PABPC4: variants seen among roughly 807,000 people sequenced by gnomAD.
PABPC4 encodes the protein poly(A) binding protein cytoplasmic 4.
A neutral mutation model predicts 74.5 loss-of-function variants in PABPC4; 15 were observed. That is an observed-to-expected ratio of 0.20 (90% confidence interval 0.13 to 0.31). The LOEUF is 0.31. Among genes scored for constraint, PABPC4 ranks in the 10% least tolerant of loss-of-function variants. The pLI is 1.00. For synonymous variants in PABPC4, 345 were observed against 303.0 expected, an observed-to-expected ratio of 1.14 and a Z score of -1.44; for missense variants, 610 against 853.5, an observed-to-expected ratio of 0.71 and a Z score of 3.55.
In PABPC4 at chr1:39,569,864, A is replaced by G; in HGVS notation, c.642T>C (p.Phe214=). The stretch of plus-strand genomic sequence containing the variant: ...AGGAGACAAGGAACCCCAACTTACC[A>G]AACTGACTGAATAGCTCTTTCAGAC... ...DESLKELFSQ[F]GKTLSVKVMR... Residue 214 remains phenylalanine (F), a splice_region_variant and synonymous_variant, in exon 4 of 16, where the codon TTT becomes TTC. Coordinates refer to ENST00000372858, the MANE Select transcript of PABPC4 (RefSeq NM_001135653.2). The G allele has an allele frequency of 6.2e-7, 1 of 1,613,926 alleles. No individual in the cohort carries two copies. Among genetic ancestry groups the G allele is most frequent in the African/African-American group, 1.3e-5 (1 of 75,026 alleles).
intron 1 of PABPC4, among the ~76,000 whole-genome samples, chr1:39,574,997 T>C (rs1645996583): frequency 6.6e-6 from 1 of 152,180 alleles, no homozygotes. Context: ...TTCTTCAGAT[T>C]AGATGAAATA....
intron 1 of PABPC4, among the ~76,000 whole-genome samples, chr1:39,575,492 T>C (rs1199877753): frequency 6.6e-6 from 1 of 152,314 alleles, no homozygotes; most frequent in East Asian, 1.9e-4. Context: ...ACTCTAATCC[T>C]GTTTTACAGT....
chr1:39,572,579 C>T lies in PABPC4; in HGVS notation c.201G>A (p.Arg67=), dbSNP rs1645955939. The T allele has an allele frequency of 3.1e-6, 5 of 1,613,160 alleles. No individual in the cohort carries two copies. The highest frequency in any genetic ancestry group is 4.2e-6 in the Non-Finnish European group (5 of 1,179,404). Reference sequence around the variant, plus strand: ...CATCAAAGTTCATGGTGTCCAAAGCCCGCTCAGCTGTAAGAGAGAAACACA... The same window carrying T: ...CATCAAAGTTCATGGTGTCCAAAGCTCGCTCAGCTGTAAGAGAGAAACACA... ...VNFQQPADAE[R]ALDTMNFDVI... Residue 67 remains arginine, a synonymous_variant, in exon 2 of 16, where the codon CGG becomes CGA. Transcript: ENST00000372858.
intron 14 of PABPC4, 56 bp downstream of exon 14, chr1:39,562,017 G>GC (rs1645775508): frequency 6.3e-7 from 1 of 1,586,318 alleles, no homozygotes; most frequent in Non-Finnish European, 8.6e-7. Context: ...ATCCAAGTTT[G>GC]CCCCCAGTCT....
chr1:39,561,580 C>T, intron 15 of PABPC4, 105 bp downstream of exon 15: 1 of 747,048 alleles, frequency 1.3e-6, no homozygotes. Context: ...TATTGTATTC[C>T]CAGAGCTAAG....
At chr1:39,561,555 G>A (rs982636857) in intron 15 of PABPC4, 130 bp downstream of exon 15, 3 of 660,730 alleles carry the variant, frequency 4.5e-6, no homozygotes, top group Middle Eastern at 4.2e-4. Flanking sequence ...CACACTCCGT[G>A]TAACTAACTG....
At chr1:39,572,799 C>T (rs1645961172) in intron 1 of PABPC4, 2 of 484,164 alleles carry the variant, frequency 4.1e-6, no homozygotes, top group Non-Finnish European at 7.3e-6. Flanking sequence ...TGACAGAAGT[C>T]TAAACACCCT....
rs1019211546 is a variant in PABPC4, at chr1:39,564,993, G to A, written c.1245+113C>T. ...TAAGTCCTTCATTTTTACTTGAAGGGTCCTTATTGTGACATTCTAGAACTC... is the reference window on the plus strand; with the variant it reads ...TAAGTCCTTCATTTTTACTTGAAGGATCCTTATTGTGACATTCTAGAACTC... On this transcript the variant is annotated intron_variant, in intron 8 of 15. Transcript: ENST00000372858. 8.5e-6 allele frequency: 10 copies of A among 1,169,642 alleles called. No homozygotes were observed. In the East Asian group the frequency reaches 1.2e-4, roughly 14 times the overall value. The allele number at this position is 1,169,642 out of a possible 1,614,324, so 72.5% of individuals were successfully genotyped here. A position where few individuals can be genotyped will look rare whatever the true frequency, so the allele number is the denominator to read the frequency against.
In PABPC4 at chr1:39,564,989, A is replaced by T. The variant is rs559071080; in HGVS notation, c.1245+117T>A. On this transcript the variant is annotated intron_variant, in intron 8 of 15. Transcript: ENST00000372858. ...TGGGTAAGTCCTTCATTTTTACTTG[A>T]AGGGTCCTTATTGTGACATTCTAGA... The T allele has an allele frequency of 1.1e-5, 13 of 1,148,748 alleles. No homozygotes were observed. In the South Asian group the frequency reaches 1.6e-4, roughly 14 times the overall value. 71.2% of individuals were successfully genotyped at this position (1,148,748 alleles called of 1,614,324 possible). A position where few individuals can be genotyped will look rare whatever the true frequency, so the allele number is the denominator to read the frequency against.
chr1:39,564,636 A>G, intron 9 of PABPC4, 50 bp downstream of exon 9: 1 of 1,606,870 alleles, frequency 6.2e-7, no homozygotes, highest in Non-Finnish European at 8.5e-7. Flanking sequence ...GGCAGGGGAG[A>G]CCAGGACAGG....
Position 39,576,314 on chromosome 1 carries a change from T to G in PABPC4, c.-363A>C. ...AATCCTTTAAGAGGCGACCGGACGC[T>G]GCCCACGGCGGCCTCGGGGACACGC... On this transcript the variant is annotated 5_prime_UTR_variant, in exon 1 of 16. Transcript: ENST00000372858. 7.4e-5 allele frequency: 13 copies of G among 175,864 alleles called. No individual in the cohort carries two copies. Among genetic ancestry groups the G allele is most frequent in the Non-Finnish European group, 1.4e-4 (12 of 83,904 alleles). The allele number at this position is 175,864 out of a possible 1,614,324, so 10.9% of individuals were successfully genotyped here. A position where few individuals can be genotyped will look rare whatever the true frequency, so the allele number is the denominator to read the frequency against.
Position 39,576,556 on chromosome 1 carries a change from GGACCGACGGACGGA to G in PABPC4, c.-619_-606del, listed in dbSNP as rs959835153. 7.3e-5 allele frequency: 11 copies of G among 149,788 alleles called. No individual in the cohort carries two copies. Among genetic ancestry groups the G allele is most frequent in the African/African-American group, 1.2e-4 (5 of 41,060 alleles). 9.3% of individuals were successfully genotyped at this position (149,788 alleles called of 1,614,324 possible). Reference sequence around the variant, plus strand: ...CGGGCCGGGCGGGCGGCTCACCCCCGGACCGACGGACGGAGACCGACGGACGCCAAGCGCTGCGG... The same window carrying G: ...CGGGCCGGGCGGGCGGCTCACCCCCGGACCGACGGACGCCAAGCGCTGCGG... On this transcript the variant is annotated 5_prime_UTR_variant, in exon 1 of 16. Transcript: ENST00000372858.
intron 3 of PABPC4, among the ~76,000 whole-genome samples, chr1:39,570,822 G>A (rs984014555): frequency 6.6e-6 from 1 of 152,170 alleles, no homozygotes; most frequent in Non-Finnish European, 1.5e-5. Context: ...CACTAGCGAG[G>A]GACCCATGGA....
chr1:39,564,041 T>C lies in PABPC4; in HGVS notation c.1454-119A>G, dbSNP rs188446781. 3.0e-5 allele frequency: 25 copies of C among 827,592 alleles called. No homozygotes were observed. In the East Asian group the frequency reaches 6.2e-4, roughly 21 times the overall value. The allele number at this position is 827,592 out of a possible 1,614,324, so 51.3% of individuals were successfully genotyped here. On this transcript the variant is annotated intron_variant, in intron 10 of 15. Transcript: ENST00000372858. ...AACACATTGCACAGGGGGCCACTAC[T>C]ACTTTCGAGGATGAGCCAAAGGATA...
intron 1 of PABPC4, among the ~76,000 whole-genome samples, chr1:39,573,499 G>A (rs760542831): frequency 1.3e-5 from 2 of 152,118 alleles, no homozygotes; most frequent in Non-Finnish European, 2.9e-5. Context: ...AACCAAGTCC[G>A]TGTGTACACC....
At chr1:39,566,591 C>T (rs1316251926) in intron 7 of PABPC4, among the ~76,000 whole-genome samples, 1 of 152,084 alleles carries the variant, frequency 6.6e-6, no homozygotes, top group Non-Finnish European at 1.5e-5. Context: ...AGTTAATGGC[C>T]CAGAGAGCCT....
rs1646018111 is a variant in PABPC4, at chr1:39,575,841, C to G, written c.111G>C (p.Val37=). 1 of 1,612,336 alleles carries G rather than the reference C, an allele frequency of 6.2e-7. No homozygotes were observed. Residue 37 remains valine, a synonymous_variant, in exon 1 of 16, where the codon GTG becomes GTC. Coordinates refer to ENST00000372858, the MANE Select transcript of PABPC4 (RefSeq NM_001135653.2). ...TATCGCGGCAGACCCGGATGGACAG[C>G]ACAGGCCCCGCGGGGCTGAACTTTT... ...LYEKFSPAGP[V]LSIRVCRDMI... is the part of the protein sequence containing the mutation.
At chr1:39,574,818 G>A (rs1645993253) in intron 1 of PABPC4, among the ~76,000 whole-genome samples, 1 of 152,212 alleles carries the variant, frequency 6.6e-6, no homozygotes, top group Non-Finnish European at 1.5e-5. Flanking sequence ...CTGGAGTCAC[G>A]TGCAGCCTCT....
chr1:39,564,250 C>T, intron 10 of PABPC4, 173 bp downstream of exon 10: 6 of 711,618 alleles, frequency 8.4e-6, no homozygotes, highest in Non-Finnish European at 1.4e-5. Context: ...ACTGACACAC[C>T]TAGAACTCAT....
Sources: gnomAD v4.1 joint callset for allele counts (sites outside exome capture counted in the v4.1 genomes callset) on GRCh38, gnomAD v4.1.1 for gene constraint, MANE v1.5 for transcripts, NCBI Gene and HGNC (gene_info 2026-07-23, HGNC 2026-07-21) for gene names.